Variants in CNTNAP5 observed in about 807,000 individuals in gnomAD.
The protein encoded by CNTNAP5 is contactin associated protein family member 5, also known as contactin-associated protein-like 5.
A neutral mutation model predicts 150.2 loss-of-function variants in CNTNAP5; 72 were observed. The observed-to-expected ratio is 0.48, with a 90% CI of 0.40 to 0.58. CNTNAP5 has a LOEUF of 0.58. Ranked by LOEUF, CNTNAP5 falls within the 20% of genes least tolerant of loss-of-function variation. The pLI is 0.00. For synonymous variants in CNTNAP5, 672 were observed against 619.8 expected (o/e 1.08, Z -1.25); for missense variants, 1,636 against 1,626.2 (o/e 1.01, Z -0.10).
intron 4 of CNTNAP5, among the ~76,000 whole-genome samples, chr2:124,432,277 C>G (rs563473726): frequency 6.6e-6 from 1 of 152,164 alleles, no homozygotes. Flanking sequence ...CAAGAAATGC[C>G]TCACTGGGAA....
intron 19 of CNTNAP5, among the ~76,000 whole-genome samples, chr2:124,806,416 A>G (rs1386243717): frequency 6.6e-6 from 1 of 152,142 alleles, no homozygotes; most frequent in African/African-American, 2.4e-5. Flanking sequence ...TGAGTTCTTA[A>G]TCATATTCTT....
At chr2:124,454,781 T>C (rs1028020068) in intron 6 of CNTNAP5, among the ~76,000 whole-genome samples, 3 of 152,020 alleles carry the variant, frequency 2.0e-5, no homozygotes, top group African/African-American at 7.2e-5. Context: ...AATAACCCAC[T>C]CCTGAATGAT....
intron 5 of CNTNAP5, among the ~76,000 whole-genome samples, chr2:124,435,914 C>A (rs941969018): frequency 6.6e-6 from 1 of 152,038 alleles, no homozygotes; most frequent in African/African-American, 2.4e-5. Flanking sequence ...ACCAAAATAC[C>A]TTTAAAAGTA....
chr2:124,614,843 G>A (rs1677460282), intron 12 of CNTNAP5, among the ~76,000 whole-genome samples: 1 of 152,130 alleles, frequency 6.6e-6, no homozygotes. Flanking sequence ...TGAGGATGCA[G>A]CCCAGTAGGT....
intron 12 of CNTNAP5, among the ~76,000 whole-genome samples, chr2:124,635,084 A>G (rs1015311302): frequency 6.6e-6 from 1 of 152,194 alleles, no homozygotes; most frequent in African/African-American, 2.4e-5. Flanking sequence ...GAAATACTTG[A>G]GACTGAGTAA....
At chr2:124,862,199 T>C (rs1350269392) in intron 19 of CNTNAP5, among the ~76,000 whole-genome samples, 1 of 152,220 alleles carries the variant, frequency 6.6e-6, no homozygotes, top group Non-Finnish European at 1.5e-5. Context: ...ACATCTTATC[T>C]CTGTTTATAT....
At chr2:124,252,834 A>C (rs1687220311) in intron 3 of CNTNAP5, among the ~76,000 whole-genome samples, 1 of 152,122 alleles carries the variant, frequency 6.6e-6, no homozygotes, top group Non-Finnish European at 1.5e-5. Context: ...AATCAATAAG[A>C]ATATCTCATA....
chr2:124,804,193 C>T (rs551315635), intron 19 of CNTNAP5, among the ~76,000 whole-genome samples: 1 of 152,254 alleles, frequency 6.6e-6, no homozygotes, highest in Non-Finnish European at 1.5e-5. Flanking sequence ...GGTTATGAGA[C>T]ACTGTGACCT....
At position 124,734,129 on chromosome 2, in the gene CNTNAP5, C is replaced by T. The variant is rs75589251; in HGVS notation, c.2078-13100C>T. On this transcript the variant is annotated intron_variant, in intron 13 of 23. Transcript: ENST00000682447. Reference sequence around the variant, plus strand: ...GACTTTTTAGGCATTTGTGTATAAGCAATAGATAAAATATCTATGACAAAG... The same window carrying T: ...GACTTTTTAGGCATTTGTGTATAAGTAATAGATAAAATATCTATGACAAAG... Among the ~76,000 whole-genome samples the T allele has an allele frequency of 2.9e-3, 448 of 152,116 alleles. 3 individuals carry two copies. Among genetic ancestry groups the T allele is most frequent in the African/African-American group, 0.01 (423 of 41,494 alleles).
chr2:124,059,734 T>C (rs1017936955), intron 1 of CNTNAP5, among the ~76,000 whole-genome samples: 1 of 152,114 alleles, frequency 6.6e-6, no homozygotes, highest in Non-Finnish European at 1.5e-5. Flanking sequence ...CTTGATTGTC[T>C]TCTGTTTGGC....
At chr2:124,224,819 A>G (rs116095855) in intron 2 of CNTNAP5, among the ~76,000 whole-genome samples, 2,115 of 152,214 alleles carry the variant, frequency 0.014, 55 homozygotes, top group African/African-American at 0.049. Context: ...AAAACTTATA[A>G]TTTTTGTTTA....
At chr2:124,513,248 T>A (rs1430424250) in intron 8 of CNTNAP5, among the ~76,000 whole-genome samples, 4 of 152,202 alleles carry the variant, frequency 2.6e-5, no homozygotes, top group Non-Finnish European at 4.4e-5. Context: ...CTTCACATGG[T>A]CTTTTCTCTG....
intron 13 of CNTNAP5, among the ~76,000 whole-genome samples, chr2:124,707,179 A>AGAAGAAGAT (rs1679704691): frequency 5.8e-5 from 8 of 138,596 alleles, no homozygotes; most frequent in Non-Finnish European, 1.3e-4. Flanking sequence ...AAGAAGAAGA[A>AGAAGAAGAT]GAAGAAGAAG....
chr2:124,515,391 G>A (rs905628), intron 8 of CNTNAP5, among the ~76,000 whole-genome samples: 1 of 151,920 alleles, frequency 6.6e-6, no homozygotes, highest in Admixed American at 6.6e-5. Flanking sequence ...ATACCACAAG[G>A]CAGTAAATAT....
intron 1 of CNTNAP5, among the ~76,000 whole-genome samples, chr2:124,051,987 A>G (rs1164825349): frequency 6.6e-6 from 1 of 152,234 alleles, no homozygotes; most frequent in Non-Finnish European, 1.5e-5. Context: ...ATGAACTACT[A>G]GAAAAGTAGA....
At chr2:124,502,187 C>A (rs1255038850) in intron 7 of CNTNAP5, among the ~76,000 whole-genome samples, 1 of 152,152 alleles carries the variant, frequency 6.6e-6, no homozygotes, top group African/African-American at 2.4e-5. Context: ...TCTGGAGAAC[C>A]AATCCAGGAA....
intron 13 of CNTNAP5, among the ~76,000 whole-genome samples, chr2:124,736,799 C>CTT (rs200896662): frequency 1.3e-5 from 2 of 151,708 alleles, no homozygotes; most frequent in Non-Finnish European, 2.9e-5. Context: ...TGGGTTGTTT[C>CTT]TTTTTTTTGG....
intron 1 of CNTNAP5, among the ~76,000 whole-genome samples, chr2:124,051,577 A>C (rs575298061): frequency 6.6e-6 from 1 of 152,232 alleles, no homozygotes; most frequent in South Asian, 2.1e-4. Flanking sequence ...TCAGCACTAA[A>C]TTATACGCTT....
At chr2:124,861,092 T>A (rs1220377144) in intron 19 of CNTNAP5, among the ~76,000 whole-genome samples, 1 of 151,736 alleles carries the variant, frequency 6.6e-6, no homozygotes, top group East Asian at 1.9e-4. Context: ...TCAATCATGA[T>A]GGAATACCTG....
Sources: gnomAD v4.1 joint callset for allele counts (sites outside exome capture counted in the v4.1 genomes callset) on GRCh38, gnomAD v4.1.1 for gene constraint, MANE v1.5 for transcripts, NCBI Gene and HGNC (gene_info 2026-07-23, HGNC 2026-07-21) for gene names.